Variants in DRICH1 observed in about 807,000 individuals in gnomAD.
DRICH1 encodes the protein aspartate-rich protein 1.
In DRICH1, 38 loss-of-function variants were observed where a neutral mutation model predicts 39.5. The ratio of observed to expected loss-of-function variants is 0.96; its 90% CI spans 0.74 to 1.26. The LOEUF (loss-of-function observed/expected upper bound fraction) is 1.26. Among genes scored for constraint, DRICH1 ranks in the 50% most tolerant of loss-of-function variants. DRICH1 has a pLI of 0.00. For synonymous variants in DRICH1, 84 were observed against 99.5 expected (o/e 0.84, Z 0.93); for missense variants, 279 against 270.4 (o/e 1.03, Z -0.22).
chr22:23,617,604 C>T lies in DRICH1; in HGVS notation c.490G>A (p.Asp164Asn). The T allele has an allele frequency of 6.2e-7, 1 of 1,613,856 alleles. No homozygotes were observed. Among genetic ancestry groups the T allele is most frequent in the Non-Finnish European group, 8.5e-7 (1 of 1,180,004 alleles). ...LVCLPRSEDD[D>N]CDDDDDDAQI... Reference sequence around the variant, plus strand: ...GCATCATCATCATCATCATCACAGTCATCATCTTCACTTCGTGGTAGGCAT... The same window carrying T: ...GCATCATCATCATCATCATCACAGTTATCATCTTCACTTCGTGGTAGGCAT... The change falls in exon 7 of 12, where the codon GAC becomes AAC. Residue 164 changes from aspartate (D) to asparagine (N), a missense_variant. Physicochemically the swap from Asp to Asn is conservative, Grantham distance 23. Transcript: ENST00000317749.
the DRICH1 span, among the ~76,000 whole-genome samples, chr22:23,592,215 G>C: frequency 1.2e-4 from 18 of 152,306 alleles, no homozygotes; most frequent in African/African-American, 3.4e-4. Context: ...CTGAGGAAGG[G>C]AATGACCCCA....
downstream of DRICH1, among the ~76,000 whole-genome samples, chr22:23,604,131 A>G (rs2123747664): frequency 6.6e-6 from 1 of 151,414 alleles, no homozygotes; most frequent in Non-Finnish European, 1.5e-5. Flanking sequence ...CACCCATCCA[A>G]CTCTGGTCTC....
rs186622623 is a variant in DRICH1 at position 23,626,496 on chromosome 22, C to T, written c.209-448G>A. On this transcript the variant is annotated intron_variant, in intron 1 of 11. Coordinates refer to ENST00000317749, the MANE Select transcript of DRICH1 (RefSeq NM_016449.4). ...ATTTCCTTTGGTTCTGACTTCATTG[C>T]CCTTTTCCTAGGTTCCAAAGCAACA... is the stretch of plus-strand genomic sequence containing the variant. Among the ~76,000 whole-genome samples, 384 of 152,284 alleles carry T rather than the reference C, an allele frequency of 2.5e-3. 2 individuals are homozygous for T. The highest frequency in any genetic ancestry group is 2.9e-3 in the Non-Finnish European group (195 of 68,012).
chr22:23,624,043 T>C (rs1927919929), intron 3 of DRICH1: 7 of 985,258 alleles, frequency 7.1e-6, no homozygotes, highest in Admixed American at 1.2e-4. Flanking sequence ...ACTGGACCTT[T>C]TGCAGTGAGC....
At chr22:23,587,516 G>A in the DRICH1 span, among the ~76,000 whole-genome samples, 13 of 152,170 alleles carry the variant, frequency 8.5e-5, no homozygotes, top group Admixed American at 2.6e-4. Flanking sequence ...GACCAGGGAC[G>A]GGGCCTGACT....
At chr22:23,614,286 G>T (rs1927222060) in intron 8 of DRICH1, 72 bp from the exon 9 acceptor site, 1 of 1,071,758 alleles carries the variant, frequency 9.3e-7, no homozygotes, top group Non-Finnish European at 1.5e-6. Flanking sequence ...AGCTTTGCTG[G>T]ATGTGGTGTA....
At chr22:23,617,749 T>C (rs971675437) in intron 6 of DRICH1, 92 bp from the exon 7 acceptor site, 32 of 1,254,278 alleles carry the variant, frequency 2.6e-5, no homozygotes, top group Admixed American at 1.7e-4. Flanking sequence ...ATGGAGGTGG[T>C]TGATTAACAA....
the DRICH1 span, among the ~76,000 whole-genome samples, chr22:23,589,017 C>T: frequency 6.6e-6 from 1 of 151,792 alleles, no homozygotes; most frequent in South Asian, 2.1e-4. Flanking sequence ...ACAAGCTAAC[C>T]CTCCCAGAAA....
chr22:23,631,967 C>T lies in DRICH1; in HGVS notation c.57G>A (p.Lys19=). ...TATCAGATTCATAACAGGGTGCGTC[C>T]TTCCCCCTGGGCCAGCCACAGTGGG... The part of the protein sequence containing the change: ...INSHCGWPRG[K]DAPCYESDTD... The change falls in exon 1 of 12, where the codon AAG becomes AAA. Residue 19 remains lysine, a synonymous_variant. Transcript: ENST00000317749. 1.9e-6 allele frequency: 3 copies of T among 1,613,770 alleles called. No homozygotes were observed. The highest frequency in any genetic ancestry group is 1.7e-6 in the Non-Finnish European group (2 of 1,180,034).
At chr22:23,624,339 CAAG>C in intron 3 of DRICH1, 1 of 985,104 alleles carries the variant, frequency 1.0e-6, no homozygotes, top group Non-Finnish European at 1.2e-6. Context: ...AATAATAAAG[CAAG>C]AAGAAATGAT....
chr22:23,607,012 C>CA (rs1926768646), downstream of DRICH1: 1 of 152,924 alleles, frequency 6.5e-6, no homozygotes, highest in African/African-American at 2.4e-5. Flanking sequence ...TGTGGCCGGT[C>CA]CACCCTCAGT....
chr22:23,620,724 T>C (rs1325676586), intron 4 of DRICH1, 109 bp from the exon 5 acceptor site: 2 of 1,321,852 alleles, frequency 1.5e-6, no homozygotes, highest in South Asian at 1.2e-5. Flanking sequence ...TGTGAAACTG[T>C]TGTTGAGTCA....
Position 23,616,882 on chromosome 22 carries a change from G to A in DRICH1, c.520-8C>T. Reference sequence around the variant, plus strand: ...GACAGGTGACGGTAAAATCTGCAATGAGATAAAAGAAGATGCTGTAAGGAT... The same window carrying A: ...GACAGGTGACGGTAAAATCTGCAATAAGATAAAAGAAGATGCTGTAAGGAT... On this transcript the variant is annotated splice_region_variant and splice_polypyrimidine_tract_variant and intron_variant, in intron 7 of 11. Coordinates refer to ENST00000317749, the MANE Select transcript of DRICH1 (RefSeq NM_016449.4). 1.2e-6 allele frequency: 2 copies of A among 1,613,932 alleles called. No individual in the cohort carries two copies. Among genetic ancestry groups the A allele is most frequent in the South Asian group, 1.1e-5 (1 of 91,070 alleles).
At chr22:23,592,500 C>T in the DRICH1 span, among the ~76,000 whole-genome samples, 1 of 152,070 alleles carries the variant, frequency 6.6e-6, no homozygotes, top group Non-Finnish European at 1.5e-5. Flanking sequence ...TAAGCACCAT[C>T]AGTATGCATA....
At chr22:23,598,144 T>C in the DRICH1 span, among the ~76,000 whole-genome samples, 30,404 of 135,764 alleles carry the variant, frequency 0.22, 2,722 homozygotes, top group African/African-American at 0.34. Flanking sequence ...GACCTCGCTG[T>C]CCCTCCAGGC....
chr22:23,603,627 G>A (rs1186798748), downstream of DRICH1, among the ~76,000 whole-genome samples: 5 of 152,078 alleles, frequency 3.3e-5, no homozygotes, highest in Non-Finnish European at 7.4e-5. Context: ...CTCTCCACTG[G>A]CACTGCTGCC....
rs74478390 is a variant in DRICH1, at chr22:23,613,277, G to T, written c.685+12C>A. The T allele has an allele frequency of 1.9e-6, 3 of 1,609,958 alleles. No homozygotes were observed. Among genetic ancestry groups the T allele is most frequent in the Admixed American group, 1.7e-5 (1 of 60,000 alleles). Reference sequence around the variant, plus strand: ...TTTCCCATTGGGTTTTTGCTGGCACGTAGTTCCCTACCTGGATGAATCTCT... The same window carrying T: ...TTTCCCATTGGGTTTTTGCTGGCACTTAGTTCCCTACCTGGATGAATCTCT... On this transcript the variant is annotated intron_variant, in intron 11 of 11. Transcript: ENST00000317749.
the DRICH1 span, among the ~76,000 whole-genome samples, chr22:23,585,830 G>C: frequency 6.6e-6 from 1 of 152,138 alleles, no homozygotes; most frequent in African/African-American, 2.4e-5. Context: ...CCATATATTG[G>C]TTATTGATTT....
At chr22:23,586,094 G>A in the DRICH1 span, among the ~76,000 whole-genome samples, 1 of 152,210 alleles carries the variant, frequency 6.6e-6, no homozygotes, top group Non-Finnish European at 1.5e-5. Flanking sequence ...TGTCTGCTGA[G>A]AAGGAATCAT....
Sources: gnomAD v4.1 joint callset for allele counts (sites outside exome capture counted in the v4.1 genomes callset) on GRCh38, gnomAD v4.1.1 for gene constraint, MANE v1.5 for transcripts, NCBI Gene and HGNC (gene_info 2026-07-23, HGNC 2026-07-21) for gene names.